Variants in HIVEP3 observed in about 807,000 individuals in gnomAD.
HIVEP3 encodes the protein transcription factor HIVEP3.
Under a neutral mutation model 152.8 loss-of-function variants are expected in HIVEP3, and 49 were observed. The ratio of observed to expected loss-of-function variants is 0.32; its 90% CI spans 0.26 to 0.41. HIVEP3 has a LOEUF of 0.41. Among genes scored for constraint, HIVEP3 ranks in the 10% least tolerant of loss-of-function variants. The pLI, the probability that HIVEP3 is intolerant of heterozygous loss-of-function variation, is 1.00. For synonymous variants in HIVEP3, 1,269 were observed against 1,289.0 expected, an observed-to-expected ratio of 0.98 and a Z score of 0.33; for missense variants, 2,790 against 3,103.3, an observed-to-expected ratio of 0.90 and a Z score of 2.40.
Position 41,997,816 on chromosome 1 carries a change from T to C in HIVEP3, n.119+37991A>G, listed in dbSNP as rs529498551. ...TTGAATTGAAGGAATTTTTTTCTGT[T>C]GAAATCAAGCATTATTAGTAAACAG... On this transcript the variant is annotated intron_variant and non_coding_transcript_variant, in intron 1 of 3. Transcript: ENST00000489103. Among the ~76,000 whole-genome samples, 10 of 152,336 alleles carry C rather than the reference T, an allele frequency of 6.6e-5. No homozygotes were observed. In the South Asian group the frequency reaches 2.1e-3, roughly 32 times the overall value.
chr1:41,635,585 TAC>T lies in HIVEP3; in HGVS notation c.-720-6640_-720-6639del, dbSNP rs56024779. On this transcript the variant is annotated intron_variant, in intron 2 of 8. Transcript: ENST00000372583. The stretch of plus-strand genomic sequence containing the variant: ...ATATACATACGTATGTATATATACA[TAC>T]ATATACATACGTATGTATATATACA... Among the ~76,000 whole-genome samples the T allele has an allele frequency of 5.5e-5, 2 of 36,436 alleles. 1 individual carries two copies. The highest frequency in any genetic ancestry group is 5.6e-4 in the African/African-American group (2 of 3,590). 23.9% of individuals were successfully genotyped at this position (36,436 alleles called of 152,430 possible).
At chr1:41,526,591 ACACCCTTACACCTGCTCCCACCCCCACC>A (rs1642933657) in intron 5 of HIVEP3, among the ~76,000 whole-genome samples, 2 of 21,324 alleles carry the variant, frequency 9.4e-5, no homozygotes, top group Admixed American at 6.1e-4. Flanking sequence ...CCCCACACTC[ACACCCTTACACCTGCTCCCACCCCCACC>A]TTCACCCTCA....
chr1:41,839,698 G>A (rs551777442), intron 1 of HIVEP3, among the ~76,000 whole-genome samples: 26 of 152,300 alleles, frequency 1.7e-4, no homozygotes, highest in Admixed American at 5.2e-4. Flanking sequence ...GGCCACGCCT[G>A]GGGTCCAGAG....
At chr1:41,565,816 A>G (rs1644154247) in intron 5 of HIVEP3, among the ~76,000 whole-genome samples, 1 of 152,168 alleles carries the variant, frequency 6.6e-6, no homozygotes, top group African/African-American at 2.4e-5. Flanking sequence ...GCTTGAAAAA[A>G]AGTCTCCTTT....
chr1:41,834,943 C>T (rs1396682014), intron 1 of HIVEP3, among the ~76,000 whole-genome samples: 1 of 152,060 alleles, frequency 6.6e-6, no homozygotes. Context: ...GAATGATGAG[C>T]TGAGAATGAA....
At chr1:41,569,671 T>C (rs903631102) in intron 5 of HIVEP3, among the ~76,000 whole-genome samples, 1 of 152,146 alleles carries the variant, frequency 6.6e-6, no homozygotes, top group Admixed American at 6.6e-5. Context: ...TTTTTAAAAC[T>C]AACACTATTC....
chr1:41,914,377 G>A (rs1189987171), intron 1 of HIVEP3, among the ~76,000 whole-genome samples: 1 of 152,162 alleles, frequency 6.6e-6, no homozygotes, highest in African/African-American at 2.4e-5. Context: ...ACCTGTTACT[G>A]ACAGTTTCTT....
intron 1 of HIVEP3, among the ~76,000 whole-genome samples, chr1:41,755,056 C>T (rs1175233953): frequency 1.3e-5 from 2 of 152,208 alleles, no homozygotes; most frequent in Non-Finnish European, 2.9e-5. Context: ...GATGTTAAGA[C>T]ATGATATAGC....
chr1:41,581,956 A>T lies in HIVEP3; in HGVS notation c.2842T>A (p.Ser948Thr). 6.2e-7 allele frequency: 1 copy of T among 1,614,022 alleles called. No individual in the cohort carries two copies. The highest frequency in any genetic ancestry group is 8.5e-7 in the Non-Finnish European group (1 of 1,180,006). ...TTCCCATGGTCATCCCTCTCAAACG[A>T]GGCTGAGCGGCTGGACCCACTCAAA... is the stretch of plus-strand genomic sequence containing the variant. ...VSLSGSSRSA[S>T]FERDDHGKAE... The change falls in exon 4 of 9, where the codon TCG (serine) becomes ACG (threonine). Residue 948 changes from serine to threonine, a missense_variant. By Grantham distance (58) the Ser-to-Thr change is moderately conservative. Coordinates refer to ENST00000372583, the MANE Select transcript of HIVEP3 (RefSeq NM_024503.5). The surrounding 1 kb of genome is among the most constrained non-coding windows in gnomAD (Gnocchi z 4.5).
chr1:41,981,347 C>T (rs1645292460), intron 1 of HIVEP3, among the ~76,000 whole-genome samples: 1 of 152,212 alleles, frequency 6.6e-6, no homozygotes, highest in African/African-American at 2.4e-5. Flanking sequence ...CCTTCATCCC[C>T]ACGGAGCTGG....
intron 1 of HIVEP3, among the ~76,000 whole-genome samples, chr1:41,726,815 G>C (rs1179986975): frequency 6.6e-6 from 1 of 152,176 alleles, no homozygotes; most frequent in African/African-American, 2.4e-5. Context: ...CAGAGCTGTC[G>C]AACAATGGAG....
At chr1:41,887,294 TA>T (rs1044099164) in intron 1 of HIVEP3, among the ~76,000 whole-genome samples, 16 of 152,252 alleles carry the variant, frequency 1.1e-4, no homozygotes, top group African/African-American at 3.4e-4. Flanking sequence ...TGTCAGGTTT[TA>T]AAAACGTATA....
chr1:41,722,655 T>A (rs891664807), intron 1 of HIVEP3, among the ~76,000 whole-genome samples: 1 of 151,690 alleles, frequency 6.6e-6, no homozygotes, highest in Non-Finnish European at 1.5e-5. Flanking sequence ...GGACAGTCTC[T>A]ATTCTGTGGG....
At chr1:41,754,209 G>A (rs1432337161) in intron 1 of HIVEP3, among the ~76,000 whole-genome samples, 1 of 152,172 alleles carries the variant, frequency 6.6e-6, no homozygotes, top group Non-Finnish European at 1.5e-5. Flanking sequence ...GCAGGACCTT[G>A]CAGGCCACCC....
chr1:41,663,899 G>A (rs1645755983), intron 2 of HIVEP3, among the ~76,000 whole-genome samples: 1 of 152,046 alleles, frequency 6.6e-6, no homozygotes, highest in South Asian at 2.1e-4. Flanking sequence ...CTCTAATTGG[G>A]TCATCCTCCT....
chr1:41,914,104 A>G (rs1644836411), intron 1 of HIVEP3, among the ~76,000 whole-genome samples: 1 of 152,148 alleles, frequency 6.6e-6, no homozygotes. Flanking sequence ...AAAAACACTT[A>G]GTAATGAGGA....
Position 41,989,746 on chromosome 1 carries a change from C to T in HIVEP3, n.119+46061G>A, listed in dbSNP as rs187301767. On this transcript the variant is annotated intron_variant and non_coding_transcript_variant, in intron 1 of 3. Coordinates refer to the HIVEP3 transcript ENST00000489103. ...AAAATCAGAGACTAGGATTGCAACC[C>T]CTGCCTTTTTTTGTTTTCCATTTGC... Among the ~76,000 whole-genome samples the T allele has an allele frequency of 4.5e-3, 685 of 151,954 alleles. 2 individuals carry two copies. Among genetic ancestry groups the T allele is most frequent in the Non-Finnish European group, 7.5e-3 (508 of 67,938 alleles).
chr1:41,684,692 A>G (rs923863968), intron 2 of HIVEP3, among the ~76,000 whole-genome samples: 2 of 152,208 alleles, frequency 1.3e-5, no homozygotes, highest in African/African-American at 4.8e-5. Flanking sequence ...AACAGTATCT[A>G]CTTTGTAGGT....
chr1:41,901,017 T>C (rs957621454), intron 1 of HIVEP3, among the ~76,000 whole-genome samples: 2 of 151,812 alleles, frequency 1.3e-5, no homozygotes, highest in African/African-American at 2.4e-5. Flanking sequence ...AGTCAAGCAA[T>C]GGTGGCCTGG....
Sources: allele counts gnomAD v4.1 joint callset (sites outside exome capture counted in the v4.1 genomes callset), GRCh38; gene constraint gnomAD v4.1.1; non-coding constraint Gnocchi (gnomAD v3.1); transcripts MANE v1.5; gene names NCBI Gene and HGNC (gene_info 2026-07-23, HGNC 2026-07-21).